Variants in C1orf141 observed in about 807,000 individuals in gnomAD.
The protein encoded by C1orf141 is chromosome 1 open reading frame 141.
Under a neutral mutation model 23.2 loss-of-function variants are expected in C1orf141, and 19 were observed. The ratio of observed to expected loss-of-function variants is 0.82; its 90% CI spans 0.57 to 1.20. The LOEUF (loss-of-function observed/expected upper bound fraction) is 1.20. Ranked by LOEUF, C1orf141 falls within the 50% of genes most tolerant of loss-of-function variation. The pLI is 0.00. For synonymous variants in C1orf141, 153 were observed against 154.6 expected (o/e 0.99, Z 0.08); for missense variants, 469 against 455.1 (o/e 1.03, Z -0.28).
chr1:67,125,110 C>T (rs1646379630), intron 4 of C1orf141, among the ~76,000 whole-genome samples: 1 of 152,312 alleles, frequency 6.6e-6, no homozygotes, highest in South Asian at 2.1e-4. Flanking sequence ...AATTGCCTTA[C>T]TTAGTTTTCT....
chr1:67,093,636 A>G, intron 7 of C1orf141, 32 bp from the exon 8 acceptor site: 1 of 1,485,356 alleles, frequency 6.7e-7, no homozygotes, highest in South Asian at 1.4e-5. Context: ...AATTAGTCAT[A>G]AGTTCATTGA....
At chr1:67,101,109 A>C (rs1031075279) in intron 5 of C1orf141, among the ~76,000 whole-genome samples, 7 of 152,072 alleles carry the variant, frequency 4.6e-5, no homozygotes, top group Admixed American at 4.6e-4. Context: ...ACTTGATGGA[A>C]TCATGTTTTT....
At chr1:67,113,628 G>A (rs974673505) in intron 5 of C1orf141, 4 of 961,284 alleles carry the variant, frequency 4.2e-6, no homozygotes, top group Non-Finnish European at 4.1e-6. Context: ...GCATCTCAAA[G>A]TGCTGGGATT....
chr1:67,129,915 T>G (rs1646486930), intron 2 of C1orf141, among the ~76,000 whole-genome samples: 1 of 152,254 alleles, frequency 6.6e-6, no homozygotes, highest in Non-Finnish European at 1.5e-5. Context: ...TACTGAAGAC[T>G]ACTGCTCTGT....
At chr1:67,123,530 C>T (rs1646342321) in intron 4 of C1orf141, 1 of 151,918 alleles carries the variant, frequency 6.6e-6, no homozygotes, top group African/African-American at 2.4e-5. Context: ...ATTATAAATT[C>T]TGCTATCTAG....
intron 2 of C1orf141, among the ~76,000 whole-genome samples, chr1:67,128,477 G>A (rs956766244): frequency 6.6e-6 from 1 of 152,056 alleles, no homozygotes. Flanking sequence ...GCCGAGGCGG[G>A]CAGATCACTT....
upstream of C1orf141, among the ~76,000 whole-genome samples, chr1:67,136,220 T>C (rs1646584278): frequency 6.6e-6 from 1 of 152,148 alleles, no homozygotes; most frequent in East Asian, 1.9e-4. Flanking sequence ...TTTATTTTTT[T>C]GTAAGGACAG....
intron 4 of C1orf141, among the ~76,000 whole-genome samples, chr1:67,120,989 G>C (rs570488605): frequency 2.0e-5 from 3 of 152,140 alleles, no homozygotes; most frequent in African/African-American, 7.2e-5. Flanking sequence ...GTTGGAGAAT[G>C]TGTTCCTCTG....
chr1:67,103,222 C>T (rs1454440234), intron 5 of C1orf141: 1 of 1,351,620 alleles, frequency 7.4e-7, no homozygotes. Context: ...TCAATGTAAA[C>T]ATGCAATTTG....
intron 4 of C1orf141, among the ~76,000 whole-genome samples, chr1:67,118,800 C>T (rs569842964): frequency 2.0e-5 from 3 of 152,264 alleles, no homozygotes; most frequent in South Asian, 2.1e-4. Flanking sequence ...CTCCTCATGA[C>T]GTGAAGATAC....
At position 67,093,324 on chromosome 1, in the gene C1orf141, T is replaced by C. The variant is rs781480526; in HGVS notation, c.884A>G (p.Asp295Gly). 1 of 1,613,828 alleles carries C rather than the reference T, an allele frequency of 6.2e-7. No homozygotes were observed. Among genetic ancestry groups the C allele is most frequent in the Non-Finnish European group, 8.5e-7 (1 of 1,179,748 alleles). The change falls in exon 8 of 8, where the codon GAT (aspartate) becomes GGT (glycine). Residue 295 changes from aspartate (D) to glycine (G), a missense_variant. Physicochemically the swap from Asp to Gly is moderately conservative, Grantham distance 94 (BLOSUM62 -1). Coordinates refer to ENST00000684719, the MANE Select transcript of C1orf141 (RefSeq NM_001276351.2). Reference sequence around the variant, plus strand: ...CTTATTAGTTTTCTTCTTTAGTTTATCATCTACAGTTGTGTGGCCCGCTTT... The same window carrying C: ...CTTATTAGTTTTCTTCTTTAGTTTACCATCTACAGTTGTGTGGCCCGCTTT... Reference protein sequence around the residue: ...SFKAGHTTVDDKLKKKTNKQT... With the variant: ...SFKAGHTTVDGKLKKKTNKQT...
intron 5 of C1orf141, among the ~76,000 whole-genome samples, chr1:67,101,618 TATTATA>T (rs1645801843): frequency 6.6e-6 from 1 of 152,146 alleles, no homozygotes; most frequent in African/African-American, 2.4e-5. Context: ...AACTGCTTCA[TATTATA>T]ATATGAGGCA....
intron 5 of C1orf141, among the ~76,000 whole-genome samples, chr1:67,110,641 T>C (rs1277878700): frequency 6.6e-6 from 1 of 152,024 alleles, no homozygotes; most frequent in Non-Finnish European, 1.5e-5. Flanking sequence ...TGGATATTTC[T>C]ATTTTTAAAA....
Position 67,107,343 on chromosome 1 carries a change from A to T in C1orf141, c.346+8009T>A, listed in dbSNP as rs996729176. The stretch of plus-strand genomic sequence containing the variant: ...GAAGGAACAGAGAAACAAAAAGCAC[A>T]GGGGCAAACAAAAAAGAATAAAATG... On this transcript the variant is annotated intron_variant, in intron 5 of 7. Coordinates refer to ENST00000684719, the MANE Select transcript of C1orf141 (RefSeq NM_001276351.2). Among the ~76,000 whole-genome samples, 46 of 152,224 alleles carry T rather than the reference A, an allele frequency of 3.0e-4. 1 individual carries two copies. The highest frequency in any genetic ancestry group is 3.0e-3 in the Admixed American group (46 of 15,276).
Position 67,098,600 on chromosome 1 carries a change from A to G in C1orf141, c.347-2279T>C, listed in dbSNP as rs146591386. 1.4e-3 allele frequency among the ~76,000 whole-genome samples: 208 copies of G among 152,278 alleles called. 2 individuals carry two copies. The highest frequency in any genetic ancestry group is 0.011 in the East Asian group (55 of 5,186). On this transcript the variant is annotated intron_variant, in intron 5 of 7. Transcript: ENST00000684719. ...CAAAATCTACAAGAGGGTCAGCACT[A>G]CAATTAAATAGAAGAATCTAAAAAT...
chr1:67,114,779 C>T (rs147302460), intron 5 of C1orf141, among the ~76,000 whole-genome samples: 3,378 of 152,262 alleles, frequency 0.022, 124 homozygotes, highest in African/African-American at 0.076. Flanking sequence ...TGGGTTCAAG[C>T]GATTCTTCTG....
intron 4 of C1orf141, among the ~76,000 whole-genome samples, chr1:67,118,132 T>C (rs1204207872): frequency 6.6e-6 from 1 of 152,184 alleles, no homozygotes; most frequent in Non-Finnish European, 1.5e-5. Context: ...AAATAAGTTG[T>C]TGAGTGGCAA....
At chr1:67,127,349 C>A in intron 2 of C1orf141, 92 bp from the exon 3 acceptor site, 1 of 694,686 alleles carries the variant, frequency 1.4e-6, no homozygotes, top group Non-Finnish European at 2.5e-6. Context: ...TTTTACATTA[C>A]TGTTTTAGGT....
intron 1 of C1orf141, among the ~76,000 whole-genome samples, chr1:67,133,571 G>A (rs79084689): frequency 0.02 from 2,972 of 152,142 alleles, 107 homozygotes; most frequent in African/African-American, 0.068. Context: ...CCCTAAATTC[G>A]TATGTTGAAG....
Sources: gnomAD v4.1 joint callset for allele counts (sites outside exome capture counted in the v4.1 genomes callset) on GRCh38, gnomAD v4.1.1 for gene constraint, MANE v1.5 for transcripts, NCBI Gene and HGNC (gene_info 2026-07-23, HGNC 2026-07-21) for gene names.